The following PCSK5 variants were observed in gnomAD, a reference collection of about 807,000 sequenced individuals.
PCSK5 encodes the protein prohormone convertase 5.
PCSK5 carries 129 observed loss-of-function variants against 233.2 expected under a neutral mutation model. The ratio of observed to expected loss-of-function variants is 0.55; its 90% CI spans 0.48 to 0.64. The LOEUF (loss-of-function observed/expected upper bound fraction) is 0.64, where lower values mean the gene tolerates loss of function less well. PCSK5 is among the 30% of genes least tolerant of loss of function. PCSK5 has a pLI of 0.00. For missense variants in PCSK5, 2,076 were observed against 2,430.1 expected (o/e 0.85, Z 3.06); for synonymous variants, 825 against 879.2 (o/e 0.94, Z 1.09).
At chr9:75,949,815 C>T (rs1266549320) in intron 2 of PCSK5, among the ~76,000 whole-genome samples, 5 of 152,250 alleles carry the variant, frequency 3.3e-5, no homozygotes, top group Middle Eastern at 3.4e-3. Flanking sequence ...TGAGCCACCG[C>T]GCCTGGCCTA....
At chr9:76,077,199 G>A (rs148921653) in intron 7 of PCSK5, among the ~76,000 whole-genome samples, 24 of 152,164 alleles carry the variant, frequency 1.6e-4, no homozygotes, top group Admixed American at 1.0e-3. Flanking sequence ...CTTTTCTTCT[G>A]TTACTATGGT....
intron 10 of PCSK5, among the ~76,000 whole-genome samples, chr9:76,147,465 A>G (rs1421565867): frequency 6.6e-6 from 1 of 152,168 alleles, no homozygotes; most frequent in Non-Finnish European, 1.5e-5. Flanking sequence ...AGGAGATGCC[A>G]TCCCTAATAA....
chr9:76,191,039 C>T (rs1824350319), intron 20 of PCSK5, among the ~76,000 whole-genome samples: 1 of 152,036 alleles, frequency 6.6e-6, no homozygotes, highest in Non-Finnish European at 1.5e-5. Flanking sequence ...ATTATTCCAA[C>T]TCCAACATTT....
intron 14 of PCSK5, among the ~76,000 whole-genome samples, chr9:76,177,646 CATAA>C (rs1357391922): frequency 1.3e-5 from 2 of 152,306 alleles, no homozygotes; most frequent in African/African-American, 2.4e-5. Context: ...ATCCAAAAAA[CATAA>C]ATAGAGTATA....
At chr9:76,014,312 C>A (rs1032997825) in intron 3 of PCSK5, among the ~76,000 whole-genome samples, 1 of 152,088 alleles carries the variant, frequency 6.6e-6, no homozygotes, top group African/African-American at 2.4e-5. Flanking sequence ...CATATAAGCA[C>A]TTAAGGAAAA....
intron 24 of PCSK5, among the ~76,000 whole-genome samples, chr9:76,281,546 T>C (rs1000194985): frequency 6.6e-6 from 1 of 152,232 alleles, no homozygotes; most frequent in African/African-American, 2.4e-5. Context: ...ATGTACCTGG[T>C]CACCTAAGAG....
chr9:76,190,444 GT>G (rs2131244050), intron 20 of PCSK5, among the ~76,000 whole-genome samples: 1 of 151,454 alleles, frequency 6.6e-6, no homozygotes, highest in African/African-American at 2.4e-5. Context: ...TTTCTTTCCA[GT>G]TTTCACCATA....
chr9:75,970,875 C>T (rs1202886612), intron 2 of PCSK5, among the ~76,000 whole-genome samples: 2 of 152,086 alleles, frequency 1.3e-5, no homozygotes, highest in Non-Finnish European at 2.9e-5. Flanking sequence ...CTGCCCACCT[C>T]GGCCTCCCAA....
chr9:76,327,724 T>C (rs879544291), intron 32 of PCSK5, among the ~76,000 whole-genome samples: 2 of 152,178 alleles, frequency 1.3e-5, no homozygotes, highest in Non-Finnish European at 2.9e-5. Context: ...TGGGTAATTA[T>C]AGTGAGCCTT....
At chr9:76,096,370 G>A (rs770555215) in intron 8 of PCSK5, among the ~76,000 whole-genome samples, 7 of 152,124 alleles carry the variant, frequency 4.6e-5, no homozygotes, top group Non-Finnish European at 8.8e-5. Flanking sequence ...TAAATGATTG[G>A]TTCACGTTCA....
intron 5 of PCSK5, among the ~76,000 whole-genome samples, chr9:76,062,096 A>T (rs911234090): frequency 6.6e-6 from 1 of 152,114 alleles, no homozygotes; most frequent in African/African-American, 2.4e-5. Flanking sequence ...AAAAATTTAA[A>T]AATTAGCCTG....
At chr9:76,304,492 G>C (rs1322976249) in intron 28 of PCSK5, among the ~76,000 whole-genome samples, 2 of 152,212 alleles carry the variant, frequency 1.3e-5, no homozygotes, top group African/African-American at 2.4e-5. Context: ...GGTGGCAGGA[G>C]AGAATCAACA....
At position 76,057,816 on chromosome 9, in the gene PCSK5, G is replaced by A. The variant is rs545079145; in HGVS notation, c.633-10139G>A. Among the ~76,000 whole-genome samples, 3 of 146,844 alleles carry A rather than the reference G, an allele frequency of 2.0e-5. No individual in the cohort carries two copies. The South Asian group carries it at 6.5e-4, about 32-fold the overall frequency. On this transcript the variant is annotated intron_variant, in intron 5 of 37. Transcript: ENST00000674117. ...CCTGGTATGGTACATCTAAAACTCAGGAAAGTATTCAGGGGCTTTTTTTTT... is the reference window on the plus strand; with the variant it reads ...CCTGGTATGGTACATCTAAAACTCAAGAAAGTATTCAGGGGCTTTTTTTTT...
chr9:76,040,497 C>T (rs960524486), intron 5 of PCSK5, among the ~76,000 whole-genome samples: 9 of 151,862 alleles, frequency 5.9e-5, no homozygotes, highest in African/African-American at 1.9e-4. Context: ...CCAACAATTC[C>T]GAGCTTCCCA....
intron 3 of PCSK5, among the ~76,000 whole-genome samples, chr9:76,008,291 T>C (rs946788537): frequency 1.3e-5 from 2 of 152,144 alleles, no homozygotes; most frequent in Non-Finnish European, 2.9e-5. Flanking sequence ...ATGATATAAA[T>C]CTGTGTTTAA....
rs572001817 is a variant in PCSK5, at chr9:76,017,388, A to G, written c.412-6350A>G. Among the ~76,000 whole-genome samples, 70 of 152,350 alleles carry G rather than the reference A, an allele frequency of 4.6e-4. 1 individual carries two copies. In the South Asian group the frequency reaches 0.013, roughly 29 times the overall value. ...CTAAAATTTTCTTCCCTAAATTATA[A>G]GAAGGCTTTGCCCCTATATAGGTGC... On this transcript the variant is annotated intron_variant, in intron 3 of 37. Coordinates refer to ENST00000674117, the MANE Select transcript of PCSK5 (RefSeq NM_001372043.1).
At chr9:75,957,624 C>T (rs1825151424) in intron 2 of PCSK5, among the ~76,000 whole-genome samples, 1 of 152,192 alleles carries the variant, frequency 6.6e-6, no homozygotes, top group Non-Finnish European at 1.5e-5. Flanking sequence ...GTAGTAGGAT[C>T]CGGCTGTCTC....
chr9:75,963,285 G>A (rs1217896221), intron 2 of PCSK5, among the ~76,000 whole-genome samples: 1 of 152,104 alleles, frequency 6.6e-6, no homozygotes. Context: ...TTCAGGCTTT[G>A]GCAGACCTGT....
chr9:76,020,407 A>G (rs1368051431), intron 3 of PCSK5, among the ~76,000 whole-genome samples: 2 of 152,220 alleles, frequency 1.3e-5, no homozygotes, highest in African/African-American at 4.8e-5. Context: ...CTTGAAATGC[A>G]TTAAAAGTCG....
Sources: gnomAD v4.1 joint callset for allele counts (sites outside exome capture counted in the v4.1 genomes callset) on GRCh38, gnomAD v4.1.1 for gene constraint, MANE v1.5 for transcripts, NCBI Gene and HGNC (gene_info 2026-07-23, HGNC 2026-07-21) for gene names.